RALGDS: variants seen among roughly 807,000 people sequenced by gnomAD.
RALGDS encodes the protein ral guanine nucleotide exchange factor.
A neutral mutation model predicts 99.8 loss-of-function variants in RALGDS; 44 were observed. That is an observed-to-expected ratio of 0.44 (90% confidence interval 0.35 to 0.57). The LOEUF is 0.57. RALGDS is among the 20% of genes least tolerant of loss of function. RALGDS has a pLI of 0.01. For synonymous variants in RALGDS, 529 were observed against 505.0 expected, an observed-to-expected ratio of 1.05 and a Z score of -0.64; for missense variants, 1,022 against 1,203.1, an observed-to-expected ratio of 0.85 and a Z score of 2.23.
At chr9:133,123,145 C>T (rs985761074), upstream of RALGDS, among the ~76,000 whole-genome samples, 2 of 152,132 alleles carry the variant, frequency 1.3e-5, no homozygotes, top group African/African-American at 4.8e-5. Context: ...GAGGTCCCCA[C>T]AGGGCCACAA....
At chr9:133,102,749 C>A in intron 13 of RALGDS, 30 bp downstream of exon 13, 1 of 1,607,442 alleles carries the variant, frequency 6.2e-7, no homozygotes, top group South Asian at 1.1e-5. Flanking sequence ...AGCCTGCCCC[C>A]ACTGTCCCCA....
At chr9:133,110,205 G>T in intron 3 of RALGDS, 91 bp downstream of exon 3, 3 of 1,305,440 alleles carry the variant, frequency 2.3e-6, no homozygotes, top group South Asian at 1.2e-5. Flanking sequence ...GAGGCTCAGA[G>T]AGGTGAATCA....
intron 7 of RALGDS, 54 bp downstream of exon 7, chr9:133,107,031 A>T (rs749925485): frequency 5.7e-5 from 90 of 1,592,394 alleles, no homozygotes; most frequent in Non-Finnish European, 7.5e-5. Context: ...TGCAGACCAC[A>T]ACCTGAGAAC....
chr9:133,107,170 C>T lies in RALGDS; in HGVS notation c.1328G>A (p.Cys443Tyr). ...TVTQFNSVAN[C>Y]VITTCLGNRS... is the part of the protein sequence containing the mutation. ...GTTCCCGAGGCAGGTGGTGATGACA[C>T]AGTTGGCCACACTGTTGAACTGGGT... The change falls in exon 7 of 18, where the codon TGT becomes TAT. Residue 443 changes from cysteine to tyrosine, a missense_variant. By Grantham distance (194) the Cys-to-Tyr change is radical. This residue lies in a region of RALGDS where 825 missense variants were observed against 994.5 expected (regional missense o/e 0.83). Transcript: ENST00000372050. 6.2e-7 allele frequency: 1 copy of T among 1,613,736 alleles called. No individual in the cohort carries two copies. Among genetic ancestry groups the T allele is most frequent in the Non-Finnish European group, 8.5e-7 (1 of 1,180,042 alleles).
chr9:133,128,050 C>T (rs990185193), intron 1 of RALGDS, among the ~76,000 whole-genome samples: 3 of 151,044 alleles, frequency 2.0e-5, no homozygotes, highest in Admixed American at 6.6e-5. Context: ...GAGGAACAAA[C>T]GTGATAAATG....
At chr9:133,120,934 C>G (rs1564245350) in intron 1 of RALGDS, 38 bp downstream of exon 1, 1 of 1,466,414 alleles carries the variant, frequency 6.8e-7, no homozygotes, top group Non-Finnish European at 9.0e-7. Flanking sequence ...TGGGGAGGCT[C>G]CGACGCACCC....
intron 1 of RALGDS, among the ~76,000 whole-genome samples, chr9:133,146,409 G>A (rs1832623892): frequency 6.6e-6 from 1 of 152,096 alleles, no homozygotes; most frequent in Non-Finnish European, 1.5e-5. Flanking sequence ...CCAGGCTGGT[G>A]TTGAACTCCT....
At chr9:133,114,713 T>C (rs1445378090) in intron 1 of RALGDS, among the ~76,000 whole-genome samples, 1 of 152,218 alleles carries the variant, frequency 6.6e-6, no homozygotes, top group Non-Finnish European at 1.5e-5. Flanking sequence ...GCAGCCGCTA[T>C]GAGCTGACTG....
intron 6 of RALGDS, 21 bp downstream of exon 6, chr9:133,107,967 C>T: frequency 6.2e-7 from 1 of 1,612,632 alleles, no homozygotes; most frequent in Non-Finnish European, 8.5e-7. Flanking sequence ...CACCCCTGCC[C>T]TGCCAAGCTG....
intron 16 of RALGDS, chr9:133,101,110 T>C (rs888943785): frequency 5.3e-6 from 6 of 1,128,946 alleles, no homozygotes; most frequent in Admixed American, 4.2e-5. Context: ...GCTCCCAGCC[T>C]GGTTGCCACA....
At chr9:133,124,007 GAC>G (rs1326087671), upstream of RALGDS, among the ~76,000 whole-genome samples, 1 of 44,504 alleles carries the variant, frequency 2.2e-5, no homozygotes, top group Non-Finnish European at 5.3e-5. Context: ...CACACACAGA[GAC>G]ACAAAGATAC....
upstream of RALGDS, chr9:133,121,251 G>A: frequency 3.0e-6 from 3 of 988,200 alleles, no homozygotes; most frequent in Non-Finnish European, 3.6e-6. Flanking sequence ...GTGAGCCCGC[G>A]GCCCGGCCCT....
At chr9:133,110,654 G>A (rs1044999678) in intron 2 of RALGDS, among the ~76,000 whole-genome samples, 165 bp from the exon 3 acceptor site, 22 of 152,188 alleles carry the variant, frequency 1.4e-4, no homozygotes, top group Non-Finnish European at 2.6e-4. Context: ...GGCCAGGTGT[G>A]GTGGCTCACA....
intron 10 of RALGDS, 113 bp downstream of exon 10, chr9:133,104,150 C>T (rs1279396746): frequency 1.8e-6 from 2 of 1,135,448 alleles, no homozygotes; most frequent in Non-Finnish European, 2.6e-6. Flanking sequence ...TGCTAGGGTC[C>T]AGAGGAGGCT....
upstream of RALGDS, among the ~76,000 whole-genome samples, chr9:133,126,229 C>G (rs1454913017): frequency 6.6e-6 from 1 of 151,958 alleles, no homozygotes; most frequent in African/African-American, 2.4e-5. Context: ...CCAACCTCCC[C>G]CCGGGACGTG....
Position 133,111,272 on chromosome 9 carries a change from G to A in RALGDS, c.294+770C>T, listed in dbSNP as rs188178888. Among the ~76,000 whole-genome samples the A allele has an allele frequency of 3.0e-3, 459 of 152,218 alleles. 2 individuals are homozygous for A. The highest frequency in any genetic ancestry group is 0.01 in the African/African-American group (427 of 41,526). On this transcript the variant is annotated intron_variant, in intron 2 of 17. Coordinates refer to ENST00000372050, the MANE Select transcript of RALGDS (RefSeq NM_006266.4). ...CTGGGAGGGACTGGCCCGTTAGGACGCACAGCATCTTCCCCGTGGCACTGT... is the reference window on the plus strand; with the variant it reads ...CTGGGAGGGACTGGCCCGTTAGGACACACAGCATCTTCCCCGTGGCACTGT...
chr9:133,130,746 C>T (rs1363876261), intron 1 of RALGDS, among the ~76,000 whole-genome samples: 1 of 152,162 alleles, frequency 6.6e-6, no homozygotes, highest in Non-Finnish European at 1.5e-5. Flanking sequence ...CCAACACACC[C>T]GTCTGACAAG....
chr9:133,120,436 C>CCG (rs1474125747), intron 1 of RALGDS, among the ~76,000 whole-genome samples: 1 of 141,956 alleles, frequency 7.0e-6, no homozygotes, highest in Non-Finnish European at 1.6e-5. Flanking sequence ...CGACCCCCCC[C>CCG]CCACCCCGCT....
In RALGDS at chr9:133,101,694, C is replaced by A. The variant is rs1218617503; in HGVS notation, c.2280G>T (p.Ser760=). The A allele has an allele frequency of 1.9e-6, 3 of 1,613,922 alleles. No individual in the cohort carries two copies. Among genetic ancestry groups the A allele is most frequent in the Non-Finnish European group, 2.5e-6 (3 of 1,179,962 alleles). The change falls in exon 16 of 18, where the codon TCG becomes TCT. Residue 760 remains serine, a synonymous_variant. Transcript: ENST00000372050. ...CGGGCGTGGTGGAGGCTGAGGAGGA[C>A]GAGGTGCTGCTGGAGGCTGAGCTGA... ...SGISSASSST[S]SSSASTTPVA... is the part of the protein sequence containing the mutation.
Sources: gnomAD v4.1 joint callset for allele counts (sites outside exome capture counted in the v4.1 genomes callset) on GRCh38, gnomAD v4.1.1 for gene constraint, gnomAD v4.1.1 regional missense constraint, MANE v1.5 for transcripts, NCBI Gene and HGNC (gene_info 2026-07-23, HGNC 2026-07-21) for gene names.